Variants in RNF168 observed in about 807,000 individuals in gnomAD.
RNF168 encodes the protein E3 ubiquitin-protein ligase RNF168.
A neutral mutation model predicts 34.9 loss-of-function variants in RNF168; 34 were observed. The observed-to-expected ratio is 0.97, with a 90% CI of 0.74 to 1.30. RNF168 has a LOEUF of 1.30. Among genes scored for constraint, RNF168 ranks in the 50% most tolerant of loss-of-function variants. The pLI is 0.00. For synonymous variants in RNF168, 264 were observed against 254.7 expected (o/e 1.04, Z -0.35); for missense variants, 725 against 682.5 (o/e 1.06, Z -0.69).
At chr3:196,485,756 T>G (rs1732407930) in intron 3 of RNF168, among the ~76,000 whole-genome samples, 1 of 150,214 alleles carries the variant, frequency 6.7e-6, no homozygotes, top group African/African-American at 2.5e-5. Flanking sequence ...CTGCGTATAC[T>G]CATTTTGCTA....
intron 1 of RNF168, among the ~76,000 whole-genome samples, chr3:196,496,634 A>G (rs573842154): frequency 1.3e-5 from 2 of 152,186 alleles, no homozygotes; most frequent in African/African-American, 2.4e-5. Context: ...ATTCTCCCCA[A>G]ATTGTTCTAT....
Position 196,472,341 on chromosome 3 carries a change from G to T in RNF168, c.1194C>A (p.Val398=), listed in dbSNP as rs141504396. The change falls in exon 6 of 6, where the codon GTC becomes GTA. Residue 398 remains valine (V), a synonymous_variant. Transcript: ENST00000318037. ...TTTTTGCAGAAAAGCATGGATCCTT[G>T]ACTGCTTCAAAGGAAGATTCTTGGT... ...RKNQESSFEA[V]KDPCFSAKRR... is the part of the protein sequence containing the mutation. 1 of 1,614,052 alleles carries T rather than the reference G, an allele frequency of 6.2e-7. No homozygotes were observed. The highest frequency in any genetic ancestry group is 2.2e-5 in the East Asian group (1 of 44,888).
rs1281651622 is a variant in RNF168 at position 196,471,711 on chromosome 3, A to T, written c.*108T>A. ...ACACAGACCTTCATTAAGGACAATG[A>T]GTGTGCCTAGAGAGCAGCATGAATG... On this transcript the variant is annotated 3_prime_UTR_variant, in exon 6 of 6. Transcript: ENST00000318037. 2 of 787,384 alleles carry T rather than the reference A, an allele frequency of 2.5e-6. No homozygotes were observed. Among genetic ancestry groups the T allele is most frequent in the Non-Finnish European group, 4.5e-6 (2 of 446,166 alleles). 48.8% of individuals were successfully genotyped at this position (787,384 alleles called of 1,614,324 possible). A position where few individuals can be genotyped will look rare whatever the true frequency, so the allele number is the denominator to read the frequency against.
intron 5 of RNF168, among the ~76,000 whole-genome samples, chr3:196,474,097 T>C (rs902950455): frequency 6.6e-6 from 1 of 151,870 alleles, no homozygotes; most frequent in African/African-American, 2.4e-5. Context: ...GATGCTGCCT[T>C]ACTAGCATAC....
chr3:196,468,961 T>C lies in RNF168; in HGVS notation c.*2858A>G, dbSNP rs1164653252. The C allele has an allele frequency of 6.6e-6, 1 of 152,062 alleles. No individual in the cohort carries two copies. Among genetic ancestry groups the C allele is most frequent in the African/African-American group, 2.4e-5 (1 of 41,402 alleles). 9.4% of individuals were successfully genotyped at this position (152,062 alleles called of 1,614,324 possible). A position where few individuals can be genotyped will look rare whatever the true frequency, so the allele number is the denominator to read the frequency against. On this transcript the variant is annotated 3_prime_UTR_variant, in exon 6 of 6. Transcript: ENST00000318037. ...AAAAAGGCATACATGGTAGGCAGAG[T>C]AGAAATACTAACAGAAATTAGTTTA...
intron 4 of RNF168, among the ~76,000 whole-genome samples, chr3:196,481,170 CTGA>C (rs1366622464): frequency 6.6e-6 from 1 of 152,162 alleles, no homozygotes; most frequent in East Asian, 1.9e-4. Flanking sequence ...CCTTTCCAGG[CTGA>C]TATGTTTTAT....
chr3:196,482,692 T>C (rs552900420), intron 4 of RNF168, among the ~76,000 whole-genome samples: 6 of 152,346 alleles, frequency 3.9e-5, no homozygotes, highest in Non-Finnish European at 8.8e-5. Flanking sequence ...ATTTCCCTAA[T>C]AACTAATGAT....
At position 196,488,652 on chromosome 3, in the gene RNF168, A is replaced by G. The variant is rs764386439; in HGVS notation, c.333T>C (p.Ser111=). 1.3e-4 allele frequency: 212 copies of G among 1,609,148 alleles called. No individual in the cohort carries two copies. Among genetic ancestry groups the G allele is most frequent in the Non-Finnish European group, 1.7e-4 (201 of 1,175,856 alleles). The change falls in exon 2 of 6, where the codon AGT becomes AGC. Residue 111 remains serine, a synonymous_variant. Transcript: ENST00000318037. ...ADDYQPVRLL[S]KPGELRREYE... is the part of the protein sequence containing the mutation. The stretch of plus-strand genomic sequence containing the variant: ...ATTCTCTTCTCAGTTCCCCAGGTTT[A>G]CTGAGCAGACGAACTGGCTGATAGT...
chr3:196,503,291 G>GT lies in RNF168; in HGVS notation c.-119dup. The GT allele has an allele frequency of 1.1e-6, 1 of 890,822 alleles. No homozygotes were observed. The highest frequency in any genetic ancestry group is 1.8e-6 in the Non-Finnish European group (1 of 552,138). 55.2% of individuals were successfully genotyped at this position (890,822 alleles called of 1,614,324 possible). On this transcript the variant is annotated 5_prime_UTR_variant, in exon 1 of 6. Coordinates refer to ENST00000318037, the MANE Select transcript of RNF168 (RefSeq NM_152617.4). The stretch of plus-strand genomic sequence containing the variant: ...GTGTTTCAGTATTATGCCCAGAAGC[G>GT]TATCAGAATTCGGAGAACAGGAGCA...
At position 196,472,450 on chromosome 3, in the gene RNF168, G is replaced by A. The variant is rs747261587; in HGVS notation, c.1085C>T (p.Thr362Ile). 23 of 1,613,760 alleles carry A rather than the reference G, an allele frequency of 1.4e-5. No homozygotes were observed. Among genetic ancestry groups the A allele is most frequent in the Middle Eastern group, 1.6e-4 (1 of 6,084 alleles). ...ESGCAPTSGVTQTNGNNTGET... is the reference protein window; with the variant it reads ...ESGCAPTSGVIQTNGNNTGET... ...ACCTGTGTTGTTTCCATTTGTCTGT[G>A]TCACCCCTGATGTGGGGGCGCACCC... Residue 362 changes from threonine to isoleucine, a missense_variant, in exon 6 of 6, where the codon ACA (threonine) becomes ATA (isoleucine). Transcript: ENST00000318037.
At chr3:196,482,110 C>G (rs953521880) in intron 4 of RNF168, among the ~76,000 whole-genome samples, 1 of 151,948 alleles carries the variant, frequency 6.6e-6, no homozygotes, top group Non-Finnish European at 1.5e-5. Context: ...CCTGGCTGCC[C>G]TTTCTTCTTT....
chr3:196,495,131 C>T (rs1732707044), intron 1 of RNF168, among the ~76,000 whole-genome samples: 1 of 152,116 alleles, frequency 6.6e-6, no homozygotes, highest in African/African-American at 2.4e-5. Context: ...CCCCGTTTAA[C>T]CTGCATTTAG....
chr3:196,492,839 A>C (rs1198005573), intron 1 of RNF168, among the ~76,000 whole-genome samples: 1 of 152,068 alleles, frequency 6.6e-6, no homozygotes, highest in Non-Finnish European at 1.5e-5. Flanking sequence ...CTGGAAAATA[A>C]GCATATGATT....
chr3:196,477,763 A>C (rs1426980322), intron 4 of RNF168, among the ~76,000 whole-genome samples: 1 of 152,222 alleles, frequency 6.6e-6, no homozygotes, highest in African/African-American at 2.4e-5. Context: ...ATAATAACCA[A>C]GTAATATATG....
intron 1 of RNF168, 91 bp downstream of exon 1, chr3:196,502,782 G>A: frequency 1.7e-6 from 2 of 1,210,576 alleles, no homozygotes; most frequent in Non-Finnish European, 2.4e-6. Context: ...GGGTTTTTTG[G>A]TTTGTTTTTA....
At position 196,470,503 on chromosome 3, in the gene RNF168, T is replaced by C. The variant is rs1321776282; in HGVS notation, c.*1316A>G. On this transcript the variant is annotated 3_prime_UTR_variant, in exon 6 of 6. Coordinates refer to ENST00000318037, the MANE Select transcript of RNF168 (RefSeq NM_152617.4). ...TGACCAACCACCCAATCAGTTTCAA[T>C]GATCCAGACTGTCAGTCACCCCATC... 6.0e-5 allele frequency: 9 copies of C among 150,892 alleles called. No individual in the cohort carries two copies. The highest frequency in any genetic ancestry group is 1.0e-4 in the Non-Finnish European group (7 of 68,374). 9.3% of individuals were successfully genotyped at this position (150,892 alleles called of 1,614,324 possible). A position where few individuals can be genotyped will look rare whatever the true frequency, so the allele number is the denominator to read the frequency against.
chr3:196,502,641 C>A (rs1187822242), intron 1 of RNF168, among the ~76,000 whole-genome samples: 1 of 151,186 alleles, frequency 6.6e-6, no homozygotes, highest in South Asian at 2.1e-4. Context: ...TTTAACACAA[C>A]AAACACCCAT....
intron 1 of RNF168, among the ~76,000 whole-genome samples, chr3:196,493,957 A>ATGCTAC (rs1732674209): frequency 6.6e-6 from 1 of 151,342 alleles, no homozygotes; most frequent in Non-Finnish European, 1.5e-5. Context: ...GGCTCAAGCA[A>ATGCTAC]TGCTACTGCC....
chr3:196,496,001 AT>A (rs1420966824), intron 1 of RNF168, among the ~76,000 whole-genome samples: 2 of 152,176 alleles, frequency 1.3e-5, no homozygotes, highest in Non-Finnish European at 2.9e-5. Flanking sequence ...CCTTCCATAA[AT>A]TAAAAATACA....
Sources: gnomAD v4.1 joint callset for allele counts (sites outside exome capture counted in the v4.1 genomes callset) on GRCh38, gnomAD v4.1.1 for gene constraint, MANE v1.5 for transcripts, NCBI Gene and HGNC (gene_info 2026-07-23, HGNC 2026-07-21) for gene names.